The following SPATA21 variants were observed in gnomAD, a reference collection of about 807,000 sequenced individuals.
SPATA21 encodes spermatogenesis-associated protein 21.
SPATA21 carries 47 observed loss-of-function variants against 54.8 expected under a neutral mutation model. The observed-to-expected ratio is 0.86, with a 90% CI of 0.68 to 1.09. SPATA21 has a LOEUF of 1.09. Among genes scored for constraint, SPATA21 ranks in the 50% least tolerant of loss-of-function variants. The pLI, the probability that SPATA21 is intolerant of heterozygous loss-of-function variation, is 0.00. For synonymous variants in SPATA21, 245 were observed against 235.3 expected, an observed-to-expected ratio of 1.04 and a Z score of -0.38; for missense variants, 599 against 596.4, an observed-to-expected ratio of 1.00 and a Z score of -0.05.
chr1:16,431,787 C>T (rs2086464971), intron 2 of SPATA21, among the ~76,000 whole-genome samples: 1 of 152,206 alleles, frequency 6.6e-6, no homozygotes, highest in Admixed American at 6.5e-5. Context: ...CTGGTCCCTT[C>T]AGATGCTCCA....
chr1:16,408,914 C>CA (rs1318421581), intron 7 of SPATA21, among the ~76,000 whole-genome samples: 3 of 151,106 alleles, frequency 2.0e-5, no homozygotes, highest in African/African-American at 4.9e-5. Context: ...TCTGGCCCCC[C>CA]CAACCCAGCA....
chr1:16,409,074 G>C lies in SPATA21; in HGVS notation c.673+44C>G, dbSNP rs763403056. On this transcript the variant is annotated intron_variant, in intron 7 of 12. Coordinates refer to ENST00000335496, the MANE Select transcript of SPATA21 (RefSeq NM_198546.1). The surrounding 1 kb of genome is among the most constrained non-coding windows in gnomAD (Gnocchi z 4.1). ...GCGCCTATAAACCCCCAAGGACCAA[G>C]GGTCCTGCCTGTGCTGGGACCTCCC... The C allele has an allele frequency of 1.3e-6, 2 of 1,597,278 alleles. No homozygotes were observed. The highest frequency in any genetic ancestry group is 1.1e-5 in the South Asian group (1 of 90,760).
At chr1:16,410,108 C>T in intron 5 of SPATA21, 65 bp from the exon 6 acceptor site, 1 of 1,308,230 alleles carries the variant, frequency 7.6e-7, no homozygotes, top group South Asian at 1.4e-5. Context: ...AATCTCCTCC[C>T]TGCCATCCCC....
At chr1:16,401,297 G>A (rs1482991443) in intron 10 of SPATA21, among the ~76,000 whole-genome samples, 3 of 152,168 alleles carry the variant, frequency 2.0e-5, no homozygotes, top group African/African-American at 7.2e-5. Flanking sequence ...ATTATTTTGG[G>A]GAGGGGCGTG....
At chr1:16,429,984 G>T (rs1476467729) in intron 3 of SPATA21, among the ~76,000 whole-genome samples, 1 of 149,506 alleles carries the variant, frequency 6.7e-6, no homozygotes, top group Non-Finnish European at 1.5e-5. Context: ...GTCCAACATG[G>T]TGAAATCCCA....
intron 5 of SPATA21, among the ~76,000 whole-genome samples, chr1:16,415,427 C>G (rs909110244): frequency 6.6e-6 from 1 of 152,150 alleles, no homozygotes; most frequent in East Asian, 1.9e-4. Context: ...TCATCATGGC[C>G]CTCCGGGGAC....
chr1:16,400,554 A>G (rs2085412263), intron 11 of SPATA21, 166 bp downstream of exon 11: 1 of 1,433,178 alleles, frequency 7.0e-7, no homozygotes, highest in Non-Finnish European at 9.1e-7. Flanking sequence ...GATGGAAAAT[A>G]GTGATTATCA....
chr1:16,406,728 C>G (rs955351187), intron 7 of SPATA21, among the ~76,000 whole-genome samples: 8 of 152,228 alleles, frequency 5.3e-5, no homozygotes, highest in African/African-American at 1.9e-4. Flanking sequence ...GGTGACAGAA[C>G]AAGGCCCTGT....
rs757167412 is a variant in SPATA21, at chr1:16,400,873, T to C, written c.1021A>G (p.Lys341Glu). The part of the protein sequence containing the change: ...EITNYYQKKL[K>E]EGTCKAQEME... ...TCCTGGGCCTTGCAGGTGCCTTCCT[T>C]CAGCTTTTTCTGGTAGTAGCTGGGG... is the stretch of plus-strand genomic sequence containing the variant. Residue 341 changes from lysine to glutamate, a missense_variant, in exon 11 of 13, where the codon AAG becomes GAG. Transcript: ENST00000335496. 3 of 1,612,710 alleles carry C rather than the reference T, an allele frequency of 1.9e-6. No homozygotes were observed. The Admixed American group carries it at 5.0e-5, about 27-fold the overall frequency.
rs1191436549 is a variant in SPATA21, at chr1:16,421,587, G to A, written c.96-30C>T. On this transcript the variant is annotated intron_variant, in intron 4 of 12. Coordinates refer to ENST00000335496, the MANE Select transcript of SPATA21 (RefSeq NM_198546.1). This position sits in a 1 kb window ranked among gnomAD's most constrained non-coding sequence, Gnocchi z 5.2. ...ATAGAAGAGAAACCCCCAGGTGGGG[G>A]AAGCGCTCAGCTGAAGGTTTGCCCC... 6 of 1,606,126 alleles carry A rather than the reference G, an allele frequency of 3.7e-6. No homozygotes were observed. The highest frequency in any genetic ancestry group is 1.3e-5 in the African/African-American group (1 of 74,674).
Position 16,409,958 on chromosome 1 carries a change from C to A in SPATA21, c.230G>T (p.Ser77Ile). Residue 77 changes from serine to isoleucine, a missense_variant, in exon 6 of 13, where the codon AGC (serine) becomes ATC (isoleucine). Ser to Ile is a moderately radical substitution (Grantham distance 142). Coordinates refer to ENST00000335496, the MANE Select transcript of SPATA21 (RefSeq NM_198546.1). This position sits in a 1 kb window ranked among gnomAD's most constrained non-coding sequence, Gnocchi z 4.1. ...GAAGCCCTGCCGGAAGTTCCCGAGG[C>A]TCTGTGTCCCTGCAGCCACCGCGGG... ...QKPAVAAGTQ[S>I]LGNFRQGFMK... The A allele has an allele frequency of 1.2e-6, 2 of 1,612,952 alleles. No individual in the cohort carries two copies. The highest frequency in any genetic ancestry group is 8.5e-7 in the Non-Finnish European group (1 of 1,179,552).
At chr1:16,427,721 G>A (rs1381867244) in intron 3 of SPATA21, 1 of 827,298 alleles carries the variant, frequency 1.2e-6, no homozygotes, top group African/African-American at 1.7e-5. Context: ...TAGTGCAACT[G>A]GTGCAATGAA....
At chr1:16,412,748 C>G (rs1470944760) in intron 5 of SPATA21, among the ~76,000 whole-genome samples, 3 of 152,132 alleles carry the variant, frequency 2.0e-5, no homozygotes, top group Non-Finnish European at 4.4e-5. Flanking sequence ...CAGGCATGAG[C>G]CATCATATCC....
rs759560901 is a variant in SPATA21 at position 16,421,559 on chromosome 1, T to C, written c.96-2A>G. On this transcript the variant is annotated splice_acceptor_variant, in intron 4 of 12. Transcript: ENST00000335496. LOFTEE classifies it high-confidence loss of function. The surrounding 1 kb of genome is among the most constrained non-coding windows in gnomAD (Gnocchi z 5.2). ...GGGTGGGTCTCCACAGCCTCACCCC[T>C]GAATAGAAGAGAAACCCCCAGGTGG... The C allele has an allele frequency of 8.7e-6, 14 of 1,612,902 alleles. No homozygotes were observed. In the Admixed American group the frequency reaches 2.2e-4, roughly 25 times the overall value.
In SPATA21 at chr1:16,409,235, C is replaced by T. The variant is rs779445617; in HGVS notation, c.588-32G>A. 7.6e-5 allele frequency: 122 copies of T among 1,612,656 alleles called. No individual in the cohort carries two copies. Among genetic ancestry groups the T allele is most frequent in the Non-Finnish European group, 9.6e-5 (113 of 1,179,298 alleles). On this transcript the variant is annotated intron_variant, in intron 6 of 12. Transcript: ENST00000335496. The surrounding 1 kb of genome is among the most constrained non-coding windows in gnomAD (Gnocchi z 4.1). The stretch of plus-strand genomic sequence containing the variant: ...AGGACAGAACCCCGACCCAGGGCAA[C>T]ATCCGGCCGCCCACCCTGCTGATAG...
At chr1:16,415,643 T>G (rs1471176749) in intron 5 of SPATA21, among the ~76,000 whole-genome samples, 1 of 151,960 alleles carries the variant, frequency 6.6e-6, no homozygotes, top group Non-Finnish European at 1.5e-5. Flanking sequence ...CACTGCAAGC[T>G]CCACCTCCCG....
rs2085752240 is a variant in SPATA21, at chr1:16,409,272, G to A, written c.588-69C>T. ...CACCCTGCTGATAGCTAGGGGAGGG[G>A]TTGGGGGAGCCTGCAGGAGGAGGTC... On this transcript the variant is annotated intron_variant, in intron 6 of 12. Coordinates refer to ENST00000335496, the MANE Select transcript of SPATA21 (RefSeq NM_198546.1). This position sits in a 1 kb window ranked among gnomAD's most constrained non-coding sequence, Gnocchi z 4.1. The A allele has an allele frequency of 2.6e-6, 4 of 1,568,056 alleles. No homozygotes were observed. The South Asian group carries it at 4.5e-5, about 18-fold the overall frequency.
At chr1:16,434,850 C>T (rs2086547220) in intron 1 of SPATA21, among the ~76,000 whole-genome samples, 1 of 151,554 alleles carries the variant, frequency 6.6e-6, no homozygotes, top group East Asian at 1.9e-4. Context: ...TATTATCTGT[C>T]TTATTTATTT....
intron 5 of SPATA21, among the ~76,000 whole-genome samples, chr1:16,413,059 GGC>G (rs2085899119): frequency 6.6e-6 from 1 of 152,210 alleles, no homozygotes; most frequent in African/African-American, 2.4e-5. Context: ...TGGGATTATA[GGC>G]GTGAGCCACC....
Sources: gnomAD v4.1 joint callset for allele counts (sites outside exome capture counted in the v4.1 genomes callset) on GRCh38, gnomAD v4.1.1 for gene constraint, Gnocchi (gnomAD v3.1) non-coding constraint, MANE v1.5 for transcripts, NCBI Gene and HGNC (gene_info 2026-07-23, HGNC 2026-07-21) for gene names.